The following ATRX variants were observed in gnomAD, a reference collection of about 807,000 sequenced individuals.
The protein encoded by ATRX is chromatin remodeler ATRX.
ATRX carries 12 observed loss-of-function variants against 172.6 expected under a neutral mutation model. That is an observed-to-expected ratio of 0.07 (90% confidence interval 0.04 to 0.11). The LOEUF (loss-of-function observed/expected upper bound fraction) is 0.11, where lower values mean the gene tolerates loss of function less well. ATRX is among the 10% of genes least tolerant of loss of function. ATRX has a pLI of 1.00. For synonymous variants in ATRX, 674 were observed against 594.7 expected, an observed-to-expected ratio of 1.13 and a Z score of -1.94; for missense variants, 1,368 against 1,767.4, an observed-to-expected ratio of 0.77 and a Z score of 4.05.
chrX:77,622,409 G>T (rs2013015), intron 19 of ATRX, among the ~76,000 whole-genome samples: 11,094 of 110,707 alleles, frequency 0.1, 650 homozygotes, highest in African/African-American at 0.22. Flanking sequence ...AGCTGGAGTT[G>T]AGTCAAGTTA....
chrX:77,748,806 C>T (rs1372972208), intron 1 of ATRX, among the ~76,000 whole-genome samples: 2 of 110,111 alleles, frequency 1.8e-5, no homozygotes, highest in Admixed American at 9.8e-5. Flanking sequence ...AGGCTGGTCT[C>T]GAACTCCTGA....
chrX:77,727,501 TA>T (rs1323654179), intron 1 of ATRX, among the ~76,000 whole-genome samples: 5 of 110,751 alleles, frequency 4.5e-5, no homozygotes, highest in East Asian at 2.8e-4. Context: ...TATGCAGCCA[TA>T]AAAAAAGGAT....
At chrX:77,691,174 G>A (rs2071865384) in intron 6 of ATRX, 1 of 111,745 alleles carries the variant, frequency 8.9e-6, no homozygotes, top group African/African-American at 3.2e-5. Flanking sequence ...AAAAAACATA[G>A]AAAAACATGC....
chrX:77,677,477 T>A (rs1348288705), intron 9 of ATRX, among the ~76,000 whole-genome samples: 2 of 111,564 alleles, frequency 1.8e-5, no homozygotes, highest in Non-Finnish European at 1.9e-5. Flanking sequence ...TCGGTTGTGG[T>A]GGTGATTATA....
intron 21 of ATRX, among the ~76,000 whole-genome samples, 189 bp from the exon 22 acceptor site, chrX:77,616,919 T>C (rs985204989): frequency 8.9e-6 from 1 of 111,985 alleles, no homozygotes; most frequent in Non-Finnish European, 1.9e-5. Flanking sequence ...TTCATATGAC[T>C]ATACAATATG....
chrX:77,658,226 C>T (rs2069660235), intron 12 of ATRX, among the ~76,000 whole-genome samples: 1 of 112,059 alleles, frequency 8.9e-6, no homozygotes, highest in African/African-American at 3.2e-5. Context: ...AAAAGACATA[C>T]TGACATCATC....
rs1012384378 is a variant in ATRX at position 77,755,527 on chromosome X, G to T, written c.20+30455C>A. Among the ~76,000 whole-genome samples, 7 of 111,776 alleles carry T rather than the reference G, an allele frequency of 6.3e-5. No homozygotes were observed. In the East Asian group the frequency reaches 1.4e-3, roughly 22 times the overall value. ...CTTTTGATGGGGTTTTTGTGTGGGGGTCCTTTTTGTTGATGTTGATATTAT... is the reference window on the plus strand; with the variant it reads ...CTTTTGATGGGGTTTTTGTGTGGGGTTCCTTTTTGTTGATGTTGATATTAT... On this transcript the variant is annotated intron_variant, in intron 1 of 34. Transcript: ENST00000373344.
intron 9 of ATRX, among the ~76,000 whole-genome samples, chrX:77,678,321 T>C (rs1229098630): frequency 9.0e-6 from 1 of 111,348 alleles, no homozygotes; most frequent in Non-Finnish European, 1.9e-5. Context: ...AATCTTCAAA[T>C]GAAATATAAT....
chrX:77,698,491 A>G (rs1476351983), intron 3 of ATRX, 83 bp downstream of exon 3: 3 of 843,699 alleles, frequency 3.6e-6, no homozygotes, highest in South Asian at 2.2e-5. Context: ...TTCGACACAT[A>G]CATGTGTCCA....
intron 19 of ATRX, among the ~76,000 whole-genome samples, chrX:77,628,240 G>C (rs2148314240): frequency 8.9e-6 from 1 of 112,837 alleles, no homozygotes; most frequent in African/African-American, 3.2e-5. Flanking sequence ...TTAATCCTGT[G>C]CATATGCACA....
At chrX:77,637,133 A>G (rs1193685163) in intron 15 of ATRX, among the ~76,000 whole-genome samples, 1 of 111,900 alleles carries the variant, frequency 8.9e-6, no homozygotes, top group Non-Finnish European at 1.9e-5. Flanking sequence ...GGATGTCAAC[A>G]TGACTACCAC....
intron 10 of ATRX, among the ~76,000 whole-genome samples, chrX:77,665,860 ACT>A (rs2070206281): frequency 9.0e-6 from 1 of 111,465 alleles, no homozygotes; most frequent in Admixed American, 9.6e-5. Context: ...ATCAAGACTG[ACT>A]CTCTAAGTCA....
intron 30 of ATRX, among the ~76,000 whole-genome samples, chrX:77,543,423 G>C (rs782617042): frequency 7.1e-5 from 8 of 111,990 alleles, no homozygotes; most frequent in African/African-American, 2.6e-4. Flanking sequence ...TCTAGAACCA[G>C]AAATACCATT....
rs1602719065 is a variant in ATRX, at chrX:77,596,714, G to A, written c.5956+2697C>T. 2 of 110,687 alleles carry A rather than the reference G, an allele frequency of 1.8e-5. 1 individual carries two copies. The highest frequency in any genetic ancestry group is 6.6e-5 in the African/African-American group (2 of 30,474). 9.1% of individuals were successfully genotyped at this position (110,687 alleles called of 1,213,427 possible). A position where few individuals can be genotyped will look rare whatever the true frequency, so the allele number is the denominator to read the frequency against. On this transcript the variant is annotated intron_variant, in intron 25 of 34. Coordinates refer to ENST00000373344, the MANE Select transcript of ATRX (RefSeq NM_000489.6). ...TCACATTATGGCATATGTAAAAAAC[G>A]TTAATGCTTATATAGCATACCAGGA...
chrX:77,682,967 A>G lies in ATRX; in HGVS notation c.2289T>C (p.Thr763=), dbSNP rs1557139940. 8.3e-7 allele frequency: 1 copy of G among 1,210,375 alleles called. No individual in the cohort carries two copies. Among genetic ancestry groups the G allele is most frequent in the African/African-American group, 1.7e-5 (1 of 57,510 alleles). The change falls in exon 9 of 35, where the codon ACT becomes ACC. Residue 763 remains threonine (T), a synonymous_variant. Transcript: ENST00000373344. The stretch of plus-strand genomic sequence containing the variant: ...CCGCCTGAGTCTTTAAATCATACAA[A>G]GTCTTATGGTTTGTATGAATTTCAT... ...DINEIHTNHK[T]LYDLKTQAGK...
chrX:77,577,363 T>C (rs1386578952), intron 27 of ATRX, among the ~76,000 whole-genome samples: 1 of 111,395 alleles, frequency 9.0e-6, no homozygotes, highest in Non-Finnish European at 1.9e-5. Flanking sequence ...TCCCTAAGGA[T>C]TAGTGATGCT....
At chrX:77,581,892 T>G (rs2148051098) in intron 27 of ATRX, among the ~76,000 whole-genome samples, 1 of 111,571 alleles carries the variant, frequency 9.0e-6, no homozygotes, top group African/African-American at 3.3e-5. Context: ...ACTATACAAA[T>G]ACATAGAATT....
intron 12 of ATRX, among the ~76,000 whole-genome samples, chrX:77,659,432 T>C (rs1479891966): frequency 9.2e-6 from 1 of 108,612 alleles, no homozygotes; most frequent in Non-Finnish European, 1.9e-5. Flanking sequence ...TTCTCCTAAA[T>C]TCACTTATTG....
intron 34 of ATRX, among the ~76,000 whole-genome samples, chrX:77,510,110 G>A (rs782125494): frequency 2.7e-5 from 3 of 111,966 alleles, no homozygotes; most frequent in Non-Finnish European, 3.8e-5. Context: ...AGCCACAGTA[G>A]GACAGGGCAC....
Sources: gnomAD v4.1 joint callset for allele counts (sites outside exome capture counted in the v4.1 genomes callset) on GRCh38, gnomAD v4.1.1 for gene constraint, MANE v1.5 for transcripts, NCBI Gene and HGNC (gene_info 2026-07-23, HGNC 2026-07-21) for gene names.